Variants in CPT2 observed in about 807,000 individuals in gnomAD.
CPT2 encodes the protein carnitine palmitoyltransferase 2, also known as carnitine O-palmitoyltransferase 2, mitochondrial.
CPT2 carries 37 observed loss-of-function variants against 48.6 expected under a neutral mutation model. The ratio of observed to expected loss-of-function variants is 0.76; its 90% confidence interval spans 0.59 to 1.00. The LOEUF (loss-of-function observed/expected upper bound fraction) is 1.00. Among genes scored for constraint, CPT2 ranks in the 50% least tolerant of loss-of-function variants. The probability of loss-of-function intolerance (pLI) is 0.00; values close to 1 mark genes in which losing one functional copy is unlikely to be tolerated. For missense variants in CPT2, 772 were observed against 825.6 expected, an observed-to-expected ratio of 0.94 and a Z score of 0.80; for synonymous variants, 319 against 326.9, an observed-to-expected ratio of 0.98 and a Z score of 0.26.
At chr1:53,211,485 CT>C in intron 4 of CPT2, 166 bp downstream of exon 4, 1 of 647,158 alleles carries the variant, frequency 1.5e-6, no homozygotes, top group Non-Finnish European at 2.7e-6. Context: ...AACAGCCACA[CT>C]AGCCACTAGG....
At chr1:53,205,559 T>G (rs1184959487) in intron 3 of CPT2, among the ~76,000 whole-genome samples, 2 of 152,232 alleles carry the variant, frequency 1.3e-5, no homozygotes, top group Non-Finnish European at 2.9e-5. Flanking sequence ...AGCCACAAGC[T>G]GCAGAAATTT....
Position 53,210,032 on chromosome 1 carries a change from T to A in CPT2, c.358T>A (p.Tyr120Asn). ...SYISGPWFDM[Y>N]LSARDSVVLN... Reference sequence around the variant, plus strand: ...TTTTTTAGGACCCTGGTTTGATATGTACCTATCTGCTCGAGACTCCGTTGT... The same window carrying A: ...TTTTTTAGGACCCTGGTTTGATATGAACCTATCTGCTCGAGACTCCGTTGT... The change falls in exon 4 of 5, where the codon TAC (tyrosine) becomes AAC (asparagine). Residue 120 changes from tyrosine to asparagine, a missense_variant. Coordinates refer to ENST00000371486, the MANE Select transcript of CPT2 (RefSeq NM_000098.3). 6.2e-7 allele frequency: 1 copy of A among 1,614,066 alleles called. No homozygotes were observed. The highest frequency in any genetic ancestry group is 8.5e-7 in the Non-Finnish European group (1 of 1,179,900).
rs1442160283 is a variant in CPT2 at position 53,197,102 on chromosome 1, C to T, written c.152+7C>T. 5.2e-6 allele frequency: 8 copies of T among 1,537,686 alleles called. No homozygotes were observed. In the East Asian group the frequency reaches 9.8e-5, roughly 19 times the overall value. On this transcript the variant is annotated splice_region_variant and intron_variant, in intron 1 of 4. Transcript: ENST00000371486. ...ACCAGGACAGCCTGCCCAGGTGAGC[C>T]TGGCCTCCGGGTCCCCGCCGCCCGC...
intron 2 of CPT2, chr1:53,201,573 T>C (rs1462561593): frequency 6.5e-6 from 1 of 153,538 alleles, no homozygotes; most frequent in Non-Finnish European, 1.4e-5. Context: ...GTTTGTGGTG[T>C]TTTGTTATAG....
intron 3 of CPT2, chr1:53,208,529 T>C (rs1645401647): frequency 6.6e-6 from 1 of 152,252 alleles, no homozygotes; most frequent in East Asian, 1.9e-4. Context: ...GAGTGATCCA[T>C]GCACTGATAT....
At chr1:53,206,182 CAAAAAAAAAAA>C (rs951448638) in intron 3 of CPT2, among the ~76,000 whole-genome samples, 1 of 58,926 alleles carries the variant, frequency 1.7e-5, no homozygotes, top group Non-Finnish European at 3.7e-5. Context: ...GACTCCATTT[CAAAAAAAAAAA>C]AAAAAAAAAA....
rs1408974808 is a variant in CPT2, at chr1:53,210,658, T to A, written c.984T>A (p.Asp328Glu). ...VDSAVFCLCL[D>E]DFPIKDLVHL... ...CGGCAGTGTTCTGTCTCTGCCTAGATGACTTCCCCATTAAGGACCTTGTCC... is the reference window on the plus strand; with the variant it reads ...CGGCAGTGTTCTGTCTCTGCCTAGAAGACTTCCCCATTAAGGACCTTGTCC... Residue 328 changes from aspartate (D) to glutamate (E), a missense_variant, in exon 4 of 5, where the codon GAT becomes GAA. Asp to Glu is a conservative substitution (Grantham distance 45). Transcript: ENST00000371486. 6.2e-7 allele frequency: 1 copy of A among 1,614,038 alleles called. No individual in the cohort carries two copies. Among genetic ancestry groups the A allele is most frequent in the Admixed American group, 1.7e-5 (1 of 60,006 alleles).
chr1:53,213,277 C>G lies in CPT2; in HGVS notation c.1659C>G (p.Asp553Glu). The change falls in exon 5 of 5, where the codon GAC becomes GAG. Residue 553 changes from aspartate to glutamate, a missense_variant. By Grantham distance (45) the Asp-to-Glu change is conservative. Coordinates refer to ENST00000371486, the MANE Select transcript of CPT2 (RefSeq NM_000098.3). The stretch of plus-strand genomic sequence containing the variant: ...TGTTTCTCACAGGCCAGGGCTTTGA[C>G]CGACACTTGTTTGCTCTGCGGCATC... The part of the protein sequence containing the change: ...TKEAAMGQGF[D>E]RHLFALRHLA... The G allele has an allele frequency of 6.2e-7, 1 of 1,614,152 alleles. No homozygotes were observed. Among genetic ancestry groups the G allele is most frequent in the Non-Finnish European group, 8.5e-7 (1 of 1,180,030 alleles).
chr1:53,210,168 C>T lies in CPT2; in HGVS notation c.494C>T (p.Thr165Ile), dbSNP rs1645412398. The change falls in exon 4 of 5, where the codon ACA becomes ATA. Residue 165 changes from threonine (T) to isoleucine (I), a missense_variant. Physicochemically the swap from Thr to Ile is moderately conservative, Grantham distance 89. Coordinates refer to ENST00000371486, the MANE Select transcript of CPT2 (RefSeq NM_000098.3). ...MTVSAIRFLK[T>I]LRAGLLEPEV... ...GTTTCTGCCATCCGGTTTCTGAAGACACTCCGGGCTGGCCTTCTGGAGCCA... is the reference window on the plus strand; with the variant it reads ...GTTTCTGCCATCCGGTTTCTGAAGATACTCCGGGCTGGCCTTCTGGAGCCA... The T allele has an allele frequency of 4.3e-6, 7 of 1,614,158 alleles. No homozygotes were observed. The highest frequency in any genetic ancestry group is 5.9e-6 in the Non-Finnish European group (7 of 1,180,042).
chr1:53,200,863 G>T lies in CPT2; in HGVS notation c.233+64G>T. 4 of 1,289,894 alleles carry T rather than the reference G, an allele frequency of 3.1e-6. No individual in the cohort carries two copies. In the South Asian group the frequency reaches 4.7e-5, roughly 15 times the overall value. The allele number at this position is 1,289,894 out of a possible 1,614,324, so 79.9% of individuals were successfully genotyped here. A position where few individuals can be genotyped will look rare whatever the true frequency, so the allele number is the denominator to read the frequency against. The stretch of plus-strand genomic sequence containing the variant: ...GTTCAAGACAGGCTGGCAAGTAGTG[G>T]TGGACCAAGCTTCAGGGAATGTCTG... On this transcript the variant is annotated intron_variant, in intron 2 of 4. Transcript: ENST00000371486.
At chr1:53,207,139 G>A (rs535235686) in intron 3 of CPT2, among the ~76,000 whole-genome samples, 1 of 152,326 alleles carries the variant, frequency 6.6e-6, no homozygotes, top group East Asian at 1.9e-4. Context: ...TGTAAGATGT[G>A]CCTTGCTTCC....
rs759086398 is a variant in CPT2 at position 53,210,667 on chromosome 1, C to CA, written c.994dup (p.Ile332AsnfsTer2). 1.2e-6 allele frequency: 2 copies of CA among 1,614,166 alleles called. No individual in the cohort carries two copies. The highest frequency in any genetic ancestry group is 2.2e-5 in the South Asian group (2 of 91,082). ...TCTGTCTCTGCCTAGATGACTTCCC[C>CA]ATTAAGGACCTTGTCCACTTGTCCC... On this transcript the variant is annotated frameshift_variant, in exon 4 of 5. Transcript: ENST00000371486. LOFTEE classifies it high-confidence loss of function.
chr1:53,199,036 A>G (rs1446050323), intron 1 of CPT2, among the ~76,000 whole-genome samples: 1 of 151,970 alleles, frequency 6.6e-6, no homozygotes, highest in African/African-American at 2.4e-5. Flanking sequence ...AATTTGGGGC[A>G]ATTCTGTTCA....
chr1:53,197,573 T>G (rs1645331169), intron 1 of CPT2: 1 of 254,390 alleles, frequency 3.9e-6, no homozygotes, highest in Admixed American at 5.3e-5. Context: ...CCTTCACCCC[T>G]GTCACTCAGG....
Position 53,210,566 on chromosome 1 carries a change from A to T in CPT2, c.892A>T (p.Ile298Phe). 1 of 1,614,162 alleles carries T rather than the reference A, an allele frequency of 6.2e-7. No homozygotes were observed. The highest frequency in any genetic ancestry group is 8.5e-7 in the Non-Finnish European group (1 of 1,180,024). ...ATACCTGACCAGTGAGAACCGAGAC[A>T]TCTGGGCAGAGCTCAGGCAGAAGCT... Reference protein sequence around the residue: ...LAYLTSENRDIWAELRQKLMS... With the variant: ...LAYLTSENRDFWAELRQKLMS... Residue 298 changes from isoleucine to phenylalanine, a missense_variant, in exon 4 of 5, where the codon ATC becomes TTC. Transcript: ENST00000371486.
In CPT2 at chr1:53,213,339, A is replaced by T; in HGVS notation, c.1721A>T (p.Tyr574Phe). 6.2e-7 allele frequency: 1 copy of T among 1,614,218 alleles called. No homozygotes were observed. The highest frequency in any genetic ancestry group is 8.5e-7 in the Non-Finnish European group (1 of 1,180,046). ...AAAGGGATCATCTTGCCTGAGCTCT[A>T]CCTGGACCCTGCATACGGGCAGATA... ...AAKGIILPEL[Y>F]LDPAYGQINH... Residue 574 changes from tyrosine to phenylalanine, a missense_variant, in exon 5 of 5, where the codon TAC becomes TTC. Coordinates refer to ENST00000371486, the MANE Select transcript of CPT2 (RefSeq NM_000098.3).
intron 4 of CPT2, chr1:53,211,597 TTTC>T (rs958250962): frequency 1.2e-4 from 55 of 463,966 alleles, no homozygotes; most frequent in South Asian, 6.2e-4. Flanking sequence ...TTCTTTTTTC[TTTC>T]TTTTTTTTTT....
intron 3 of CPT2, chr1:53,203,059 C>CAGACAGT (rs1645364247): frequency 6.5e-6 from 1 of 153,618 alleles, no homozygotes; most frequent in South Asian, 2.0e-4. Context: ...TTTAAAGAAT[C>CAGACAGT]AGACAGTTCT....
In CPT2 at chr1:53,210,601, T is replaced by C. The variant is rs780168485; in HGVS notation, c.927T>C (p.Ser309=). The part of the protein sequence containing the change: ...WAELRQKLMS[S]GNEESLRKVD... The stretch of plus-strand genomic sequence containing the variant: ...AGCTCAGGCAGAAGCTGATGAGTAG[T>C]GGCAATGAGGAGAGCCTGAGGAAAG... Residue 309 remains serine (S), a synonymous_variant, in exon 4 of 5, where the codon AGT becomes AGC. Transcript: ENST00000371486. 6.2e-7 allele frequency: 1 copy of C among 1,614,150 alleles called. No individual in the cohort carries two copies. The highest frequency in any genetic ancestry group is 1.7e-5 in the Admixed American group (1 of 60,026).
Sources: allele counts gnomAD v4.1 joint callset (sites outside exome capture counted in the v4.1 genomes callset), GRCh38; gene constraint gnomAD v4.1.1; transcripts MANE v1.5; gene names NCBI Gene and HGNC (gene_info 2026-07-23, HGNC 2026-07-21).